CHD9: variants seen among roughly 807,000 people sequenced by gnomAD.
CHD9 encodes chromodomain helicase DNA binding protein 9.
CHD9 carries 77 observed loss-of-function variants against 316.1 expected under a neutral mutation model. That is an observed-to-expected ratio of 0.24 (90% CI 0.20 to 0.29). The LOEUF (loss-of-function observed/expected upper bound fraction) is 0.29, where lower values mean the gene tolerates loss of function less well. Ranked by LOEUF, CHD9 falls within the 10% of genes least tolerant of loss-of-function variation. The pLI is 1.00. For synonymous variants in CHD9, 1,129 were observed against 1,158.3 expected (o/e 0.97, Z 0.51); for missense variants, 2,763 against 3,438.1 (o/e 0.80, Z 4.91).
At chr16:53,143,363 TTTATTTA>T (rs2040284601) in intron 1 of CHD9, among the ~76,000 whole-genome samples, 1 of 62,606 alleles carries the variant, frequency 1.6e-5, no homozygotes, top group Non-Finnish European at 3.4e-5. Flanking sequence ...TCTTATTTTA[TTTATTTA>T]TTTATTTATT....
chr16:53,059,650 G>A (rs2032610627), intron 1 of CHD9, among the ~76,000 whole-genome samples: 2 of 152,204 alleles, frequency 1.3e-5, no homozygotes, highest in Admixed American at 1.3e-4. Flanking sequence ...CACTCATGGG[G>A]CAGCCAGGCC....
At chr16:53,151,698 C>T (rs983876166) in intron 1 of CHD9, among the ~76,000 whole-genome samples, 6 of 152,076 alleles carry the variant, frequency 3.9e-5, no homozygotes, top group African/African-American at 1.2e-4. Context: ...TTTTTTATTT[C>T]GGGTATTGTA....
intron 1 of CHD9, among the ~76,000 whole-genome samples, chr16:53,105,723 A>G (rs1280039658): frequency 6.6e-6 from 1 of 152,108 alleles, no homozygotes; most frequent in East Asian, 1.9e-4. Context: ...CCTTGTCTCT[A>G]CATTCCTTTG....
At chr16:53,283,562 CTTT>C (rs2053600660) in intron 24 of CHD9, among the ~76,000 whole-genome samples, 1 of 152,178 alleles carries the variant, frequency 6.6e-6, no homozygotes, top group Admixed American at 6.5e-5. Context: ...ATCTGACCCA[CTTT>C]TTTTCTCCTC....
In CHD9 at chr16:53,157,536, C is replaced by T; in HGVS notation, c.1447C>T (p.Arg483Ter). The stretch of plus-strand genomic sequence containing the variant: ...TGACAGAAATCACCTATGTTTACAG[C>T]GACAGGTATGTAGCTCTTTGCTTTT... ...LHDRNHLCLQ[R>*]QPPSSKKSDG... Residue 483 changes from arginine to a stop codon, truncating the protein, a stop_gained, in exon 2 of 39, where the codon CGA (arginine) becomes TGA (stop). Coordinates refer to ENST00000447540, the MANE Select transcript of CHD9 (RefSeq NM_001308319.2). LOFTEE classifies it high-confidence loss of function. 4 of 1,609,862 alleles carry T rather than the reference C, an allele frequency of 2.5e-6. No homozygotes were observed. Among genetic ancestry groups the T allele is most frequent in the Non-Finnish European group, 3.4e-6 (4 of 1,176,958 alleles).
chr16:53,105,824 T>G (rs991523061), intron 1 of CHD9, among the ~76,000 whole-genome samples: 1 of 141,610 alleles, frequency 7.1e-6, no homozygotes, highest in Non-Finnish European at 1.5e-5. Flanking sequence ...GATAAGAACT[T>G]TTTTTTTTTT....
At chr16:53,318,531 T>C (rs148775339) in intron 37 of CHD9, among the ~76,000 whole-genome samples, 191 bp downstream of exon 37, 103 of 152,364 alleles carry the variant, frequency 6.8e-4, no homozygotes, top group Middle Eastern at 3.4e-3. Context: ...TTAGCTGAGC[T>C]ATTACATGAA....
At position 53,255,677 on chromosome 16, in the gene CHD9, T is replaced by C. The variant is rs1256144327; in HGVS notation, c.4107T>C (p.Asp1369=). The change falls in exon 19 of 39, where the codon GAT becomes GAC. Residue 1369 remains aspartate, a synonymous_variant. Coordinates refer to ENST00000447540, the MANE Select transcript of CHD9 (RefSeq NM_001308319.2). ...ATGGTGCTATTATGGAGGAAGAAGA[T>C]GAAGGCTCTAAATTCTGCGAAGAGG... ...GAYGAIMEEE[D]EGSKFCEEDI... 1.9e-6 allele frequency: 3 copies of C among 1,613,904 alleles called. No individual in the cohort carries two copies. The highest frequency in any genetic ancestry group is 2.5e-6 in the Non-Finnish European group (3 of 1,179,804).
At chr16:53,300,272 C>T (rs2055243944) in intron 30 of CHD9, among the ~76,000 whole-genome samples, 1 of 151,792 alleles carries the variant, frequency 6.6e-6, no homozygotes, top group Non-Finnish European at 1.5e-5. Context: ...AGAATCGCTT[C>T]AACCTGGGAG....
rs373836825 is a variant in CHD9 at position 53,287,936 on chromosome 16, C to G, written c.5190-21C>G. The G allele has an allele frequency of 2.5e-5, 40 of 1,578,194 alleles. No homozygotes were observed. In the East Asian group the frequency reaches 8.7e-4, roughly 34 times the overall value. On this transcript the variant is annotated intron_variant, in intron 26 of 38. Coordinates refer to ENST00000447540, the MANE Select transcript of CHD9 (RefSeq NM_001308319.2). ...CTTAAGTCCATTACAGTAATTATAGCATTTGTTTGTATTTTAACAGGGATG... is the reference window on the plus strand; with the variant it reads ...CTTAAGTCCATTACAGTAATTATAGGATTTGTTTGTATTTTAACAGGGATG...
At chr16:53,256,555 T>G (rs2050619996) in intron 19 of CHD9, among the ~76,000 whole-genome samples, 1 of 150,830 alleles carries the variant, frequency 6.6e-6, no homozygotes, top group African/African-American at 2.4e-5. Flanking sequence ...ACTCCTTACC[T>G]CAGGTGATCC....
In CHD9 at chr16:53,268,038, C is replaced by T; in HGVS notation, c.4629C>T (p.Tyr1543=). The T allele has an allele frequency of 6.2e-7, 1 of 1,613,368 alleles. No individual in the cohort carries two copies. The highest frequency in any genetic ancestry group is 8.5e-7 in the Non-Finnish European group (1 of 1,179,560). The change falls in exon 22 of 39, where the codon TAC becomes TAT. Residue 1543 remains tyrosine (Y), a synonymous_variant. Transcript: ENST00000447540. The part of the protein sequence containing the change: ...RALLAYCLVH[Y]RGDEKIKGFI... ...TCTTAGCATATTGCCTTGTTCACTA[C>T]CGAGGAGATGAGAAGATTAAAGGTT...
Position 53,245,853 on chromosome 16 carries a change from AG to A in CHD9, c.3454+4del. 1.3e-6 allele frequency: 2 copies of A among 1,486,842 alleles called. No individual in the cohort carries two copies. The highest frequency in any genetic ancestry group is 1.8e-6 in the Non-Finnish European group (2 of 1,118,832). The allele number at this position is 1,486,842 out of a possible 1,614,324, so 92.1% of individuals were successfully genotyped here. A position where few individuals can be genotyped will look rare whatever the true frequency, so the allele number is the denominator to read the frequency against. On this transcript the variant is annotated splice_donor_region_variant and intron_variant, in intron 15 of 38. Coordinates refer to ENST00000447540, the MANE Select transcript of CHD9 (RefSeq NM_001308319.2). This position sits in a 1 kb window ranked among gnomAD's most constrained non-coding sequence, Gnocchi z 4.1. ...TAATCATCCATATCTTATAAAAGGT[AG>A]CTAAAAAAGATTACAACAAATATGT...
At chr16:53,159,295 A>T (rs372746940) in intron 2 of CHD9, among the ~76,000 whole-genome samples, 10 of 152,156 alleles carry the variant, frequency 6.6e-5, no homozygotes, top group Non-Finnish European at 1.3e-4. Context: ...GAAAATTTGT[A>T]TATGAAAAAA....
At chr16:53,308,143 G>A (rs2056152973) in intron 33 of CHD9, among the ~76,000 whole-genome samples, 190 bp downstream of exon 33, 1 of 152,070 alleles carries the variant, frequency 6.6e-6, no homozygotes. Flanking sequence ...CATTAAATAT[G>A]TTTTTCTCTT....
intron 1 of CHD9, among the ~76,000 whole-genome samples, chr16:53,144,804 G>A (rs1019731895): frequency 2.0e-4 from 31 of 151,612 alleles, no homozygotes; most frequent in Non-Finnish European, 4.1e-4. Flanking sequence ...GATTACAGGC[G>A]TGAGCCACCA....
intron 27 of CHD9, among the ~76,000 whole-genome samples, chr16:53,289,037 T>C (rs1437781671): frequency 1.3e-5 from 2 of 151,930 alleles, no homozygotes; most frequent in Non-Finnish European, 1.5e-5. Flanking sequence ...TTTAAAAATA[T>C]ATGAGAAACC....
chr16:53,094,935 G>A (rs1037454402), intron 1 of CHD9, among the ~76,000 whole-genome samples: 13 of 152,116 alleles, frequency 8.5e-5, no homozygotes, highest in South Asian at 2.1e-4. Flanking sequence ...CACCGCGCCC[G>A]GCCTTGTTTT....
intron 1 of CHD9, among the ~76,000 whole-genome samples, chr16:53,095,021 C>T (rs1331910478): frequency 6.6e-6 from 1 of 152,048 alleles, no homozygotes; most frequent in Non-Finnish European, 1.5e-5. Flanking sequence ...TCAGTTGGAC[C>T]TTGTGCAACC....
Sources: allele counts gnomAD v4.1 joint callset (sites outside exome capture counted in the v4.1 genomes callset), GRCh38; gene constraint gnomAD v4.1.1; non-coding constraint Gnocchi (gnomAD v3.1); transcripts MANE v1.5; gene names NCBI Gene and HGNC (gene_info 2026-07-23, HGNC 2026-07-21).